The following CNIH3 variants were observed in gnomAD, a reference collection of about 807,000 sequenced individuals.
The protein encoded by CNIH3 is cornichon family AMPA receptor auxiliary protein 3.
CNIH3 carries 14 observed loss-of-function variants against 24.1 expected under a neutral mutation model. The ratio of observed to expected loss-of-function variants is 0.58; its 90% CI spans 0.38 to 0.91. CNIH3 has a LOEUF of 0.91. Among genes scored for constraint, CNIH3 ranks in the 40% least tolerant of loss-of-function variants. The pLI, the probability that CNIH3 is intolerant of heterozygous loss-of-function variation, is 0.00. For synonymous variants in CNIH3, 68 were observed against 73.8 expected, an observed-to-expected ratio of 0.92 and a Z score of 0.40; for missense variants, 178 against 196.8, an observed-to-expected ratio of 0.90 and a Z score of 0.57.
intron 1 of CNIH3, among the ~76,000 whole-genome samples, chr1:224,520,533 A>G (rs1678582233): frequency 6.6e-6 from 1 of 152,250 alleles, no homozygotes; most frequent in Non-Finnish European, 1.5e-5. Flanking sequence ...ATTGAACCAC[A>G]TGGAATTGCC....
At chr1:224,434,780 C>T (rs1472176585) in exon 1 of CNIH3, 8 of 986,296 alleles carry the variant, frequency 8.1e-6, no homozygotes, top group African/African-American at 3.5e-5. Flanking sequence ...TTGATTCTTC[C>T]CCCAGCTGCT....
At chr1:224,555,555 C>T (rs574457119) in intron 3 of CNIH3, among the ~76,000 whole-genome samples, 1 of 152,200 alleles carries the variant, frequency 6.6e-6, no homozygotes, top group Non-Finnish European at 1.5e-5. Context: ...AGGCTATGAA[C>T]AACTTCTTTA....
chr1:224,654,484 A>G (rs1039549625), intron 1 of CNIH3, among the ~76,000 whole-genome samples: 1 of 152,252 alleles, frequency 6.6e-6, no homozygotes, highest in Non-Finnish European at 1.5e-5. Flanking sequence ...AAGATATTCT[A>G]TATGCTGATA....
At chr1:224,475,665 G>A (rs1461437087) in intron 1 of CNIH3, among the ~76,000 whole-genome samples, 1 of 152,080 alleles carries the variant, frequency 6.6e-6, no homozygotes, top group Non-Finnish European at 1.5e-5. Context: ...TTTTAAAACT[G>A]ATAATACCAA....
chr1:224,606,714 C>T (rs1247949471), intron 3 of CNIH3, among the ~76,000 whole-genome samples: 1 of 152,136 alleles, frequency 6.6e-6, no homozygotes, highest in Non-Finnish European at 1.5e-5. Context: ...CAGTATTTCC[C>T]TTCCTCCTAT....
intron 1 of CNIH3, among the ~76,000 whole-genome samples, chr1:224,445,278 G>C (rs775334618): frequency 2.6e-5 from 4 of 151,902 alleles, no homozygotes; most frequent in Non-Finnish European, 5.9e-5. Flanking sequence ...CCTCTTTTAA[G>C]ATTGTGTTGC....
downstream of CNIH3, among the ~76,000 whole-genome samples, chr1:224,592,757 A>G (rs1055947394): frequency 6.6e-6 from 1 of 152,190 alleles, no homozygotes; most frequent in Admixed American, 6.5e-5. Context: ...GGCATTTGGC[A>G]TGCACCAGGA....
intron 1 of CNIH3, among the ~76,000 whole-genome samples, chr1:224,658,533 C>T (rs901866685): frequency 1.4e-4 from 21 of 151,898 alleles, no homozygotes; most frequent in African/African-American, 4.4e-4. Context: ...AAGGTTAATA[C>T]ACCTGATTTC....
At chr1:224,441,682 G>A (rs2102945982) in intron 1 of CNIH3, among the ~76,000 whole-genome samples, 1 of 152,224 alleles carries the variant, frequency 6.6e-6, no homozygotes, top group South Asian at 2.1e-4. Flanking sequence ...AGATGTAATG[G>A]ACCAATAACT....
At chr1:224,454,561 G>A (rs536208480) in intron 1 of CNIH3, among the ~76,000 whole-genome samples, 33 of 152,130 alleles carry the variant, frequency 2.2e-4, no homozygotes, top group Non-Finnish European at 4.1e-4. Flanking sequence ...CAGAAGCTGC[G>A]TGGCTGCAGG....
chr1:224,570,536 A>G (rs1318826818), intron 4 of CNIH3, among the ~76,000 whole-genome samples: 1 of 151,608 alleles, frequency 6.6e-6, no homozygotes, highest in Non-Finnish European at 1.5e-5. Context: ...TTTTCTATTA[A>G]GATGTCTTTT....
intron 3 of CNIH3, among the ~76,000 whole-genome samples, chr1:224,687,357 T>G (rs1686712033): frequency 6.6e-6 from 1 of 152,212 alleles, no homozygotes; most frequent in South Asian, 2.1e-4. Context: ...CTTAGCCTCC[T>G]GAGTAGCTGG....
chr1:224,602,665 A>G (rs191739241), intron 3 of CNIH3, among the ~76,000 whole-genome samples: 2 of 152,256 alleles, frequency 1.3e-5, no homozygotes, highest in Admixed American at 6.5e-5. Flanking sequence ...TCATATGTAC[A>G]TGGGAGACAC....
chr1:224,647,833 G>A (rs2125100786), intron 1 of CNIH3, among the ~76,000 whole-genome samples: 1 of 152,314 alleles, frequency 6.6e-6, no homozygotes, highest in East Asian at 1.9e-4. Flanking sequence ...CCTGGTGTAA[G>A]GAGCCTGCAG....
chr1:224,480,128 C>T (rs570263003), intron 1 of CNIH3, among the ~76,000 whole-genome samples: 28 of 152,324 alleles, frequency 1.8e-4, no homozygotes, highest in Admixed American at 3.9e-4. Flanking sequence ...TTGACTTCTG[C>T]GCACCCGTAG....
chr1:224,447,035 A>T (rs938746805), intron 1 of CNIH3, among the ~76,000 whole-genome samples: 4 of 152,156 alleles, frequency 2.6e-5, no homozygotes, highest in African/African-American at 9.7e-5. Flanking sequence ...ACTTTTAGGA[A>T]TTGTGTTAGG....
At chr1:224,533,644 G>T (rs1054774790) in intron 2 of CNIH3, among the ~76,000 whole-genome samples, 1 of 152,074 alleles carries the variant, frequency 6.6e-6, no homozygotes, top group Non-Finnish European at 1.5e-5. Context: ...CTAGTAATCC[G>T]TGGCCTTTCT....
intron 1 of CNIH3, among the ~76,000 whole-genome samples, chr1:224,678,123 T>C (rs1173636574): frequency 6.6e-6 from 1 of 152,146 alleles, no homozygotes; most frequent in African/African-American, 2.4e-5. Flanking sequence ...AGTTGGGAGA[T>C]AGGTCATGTC....
chr1:224,552,079 A>C (rs986926876), intron 3 of CNIH3, among the ~76,000 whole-genome samples: 1 of 151,514 alleles, frequency 6.6e-6, no homozygotes, highest in East Asian at 2.0e-4. Context: ...ACAGGGGGTG[A>C]ACACACATGG....
Sources: gnomAD v4.1 joint callset for allele counts (sites outside exome capture counted in the v4.1 genomes callset) on GRCh38, gnomAD v4.1.1 for gene constraint, MANE v1.5 for transcripts, NCBI Gene and HGNC (gene_info 2026-07-23, HGNC 2026-07-21) for gene names.